Variants in PLCXD3 observed in about 807,000 individuals in gnomAD.
PLCXD3 encodes the protein PI-PLC X domain-containing protein 3.
Under a neutral mutation model 25.5 loss-of-function variants are expected in PLCXD3, and 19 were observed. The ratio of observed to expected loss-of-function variants is 0.75; its 90% CI spans 0.52 to 1.09. PLCXD3 has a LOEUF of 1.09. Ranked by LOEUF, PLCXD3 falls within the 50% of genes least tolerant of loss-of-function variation. The pLI, the probability that PLCXD3 is intolerant of heterozygous loss-of-function variation, is 0.00. For missense variants in PLCXD3, 411 were observed against 388.1 expected (o/e 1.06, Z -0.50); for synonymous variants, 174 against 137.6 (o/e 1.26, Z -1.85).
At chr5:41,352,149 A>G (rs531563918) in intron 2 of PLCXD3, among the ~76,000 whole-genome samples, 3 of 152,294 alleles carry the variant, frequency 2.0e-5, no homozygotes, top group Admixed American at 6.5e-5. Context: ...TATCAATAGA[A>G]AGTCTCAGCA....
chr5:41,328,767 T>C (rs966041141), intron 2 of PLCXD3, among the ~76,000 whole-genome samples: 1 of 152,308 alleles, frequency 6.6e-6, no homozygotes, highest in African/African-American at 2.4e-5. Flanking sequence ...TCTTCTCATA[T>C]GCTGACATTA....
At chr5:41,369,809 T>A (rs1745040995) in intron 2 of PLCXD3, among the ~76,000 whole-genome samples, 1 of 152,192 alleles carries the variant, frequency 6.6e-6, no homozygotes, top group Admixed American at 6.6e-5. Context: ...GTTATCTTAT[T>A]TATTTTTTGA....
intron 2 of PLCXD3, among the ~76,000 whole-genome samples, chr5:41,376,254 G>A (rs576874037): frequency 8.1e-4 from 123 of 152,202 alleles, no homozygotes; most frequent in African/African-American, 2.9e-3. Flanking sequence ...AGCACTGTCA[G>A]TAGGGCTGAA....
At chr5:41,431,560 T>TA (rs1747102624) in intron 1 of PLCXD3, among the ~76,000 whole-genome samples, 1 of 152,306 alleles carries the variant, frequency 6.6e-6, no homozygotes, top group South Asian at 2.1e-4. Context: ...GGAGGGAAAA[T>TA]ACTCACTAGA....
intron 2 of PLCXD3, among the ~76,000 whole-genome samples, chr5:41,372,314 A>T (rs889958676): frequency 1.3e-3 from 185 of 143,744 alleles, no homozygotes; most frequent in African/African-American, 4.7e-3. Context: ...ACACACACAC[A>T]CACACACACA....
At chr5:41,398,224 C>G (rs539943551) in intron 1 of PLCXD3, among the ~76,000 whole-genome samples, 1 of 152,262 alleles carries the variant, frequency 6.6e-6, no homozygotes, top group East Asian at 1.9e-4. Context: ...GGGAAGAGAC[C>G]TGGTGGGAGA....
intron 1 of PLCXD3, among the ~76,000 whole-genome samples, chr5:41,404,696 C>T (rs1329543508): frequency 1.3e-5 from 2 of 152,004 alleles, no homozygotes; most frequent in African/African-American, 4.8e-5. Context: ...AATATCTTTC[C>T]AGTATTATTT....
chr5:41,431,724 G>T (rs1322552727), intron 1 of PLCXD3, among the ~76,000 whole-genome samples: 3 of 152,160 alleles, frequency 2.0e-5, no homozygotes, highest in Non-Finnish European at 4.4e-5. Flanking sequence ...ACAGAGGGAG[G>T]TCTCATTGAC....
chr5:41,324,812 A>T (rs1743579183), intron 2 of PLCXD3, among the ~76,000 whole-genome samples: 1 of 152,150 alleles, frequency 6.6e-6, no homozygotes, highest in South Asian at 2.1e-4. Flanking sequence ...ATTTCCTGGG[A>T]AGAATGATTT....
intron 1 of PLCXD3, among the ~76,000 whole-genome samples, chr5:41,412,445 T>A (rs572949893): frequency 6.6e-6 from 1 of 152,212 alleles, no homozygotes; most frequent in Non-Finnish European, 1.5e-5. Context: ...TATTAGGAGG[T>A]GACTTACACC....
intron 1 of PLCXD3, among the ~76,000 whole-genome samples, chr5:41,459,001 T>C (rs1477477055): frequency 1.3e-5 from 2 of 151,986 alleles, no homozygotes; most frequent in Non-Finnish European, 2.9e-5. Context: ...ATGTTTTATT[T>C]AGACATTCCT....
chr5:41,398,863 C>A, intron 1 of PLCXD3, among the ~76,000 whole-genome samples: 1 of 152,102 alleles, frequency 6.6e-6, no homozygotes, highest in East Asian at 1.9e-4. Context: ...CTAGAGCAAT[C>A]AGACAAGAGA....
chr5:41,394,696 CA>C (rs1460740648), intron 1 of PLCXD3, among the ~76,000 whole-genome samples: 1 of 151,920 alleles, frequency 6.6e-6, no homozygotes, highest in East Asian at 1.9e-4. Context: ...GACTTCAAGA[CA>C]AAAACTAAAA....
chr5:41,314,450 A>G (rs1743229843), intron 2 of PLCXD3, among the ~76,000 whole-genome samples: 1 of 152,254 alleles, frequency 6.6e-6, no homozygotes, highest in African/African-American at 2.4e-5. Context: ...TAGTCATAAA[A>G]ATATGTAGTT....
intron 2 of PLCXD3, among the ~76,000 whole-genome samples, chr5:41,370,647 A>G (rs1745068666): frequency 6.6e-6 from 1 of 152,094 alleles, no homozygotes; most frequent in Non-Finnish European, 1.5e-5. Flanking sequence ...ACCCTTGTTT[A>G]TCAGTAGGTC....
chr5:41,355,086 C>T (rs1200943780), intron 2 of PLCXD3, among the ~76,000 whole-genome samples: 1 of 152,162 alleles, frequency 6.6e-6, no homozygotes, highest in East Asian at 1.9e-4. Context: ...TTCCCTTTCT[C>T]CAGTTGTTCC....
rs189034511 is a variant in PLCXD3 at position 41,457,578 on chromosome 5, G to A, written c.103+52846C>T. On this transcript the variant is annotated intron_variant, in intron 1 of 2. Coordinates refer to ENST00000377801, the MANE Select transcript of PLCXD3 (RefSeq NM_001005473.3). Reference sequence around the variant, plus strand: ...GACCAGCGCCTCAGATACAATACTGGGAGGACATCTGTACTTAAGCTGTCT... The same window carrying A: ...GACCAGCGCCTCAGATACAATACTGAGAGGACATCTGTACTTAAGCTGTCT... Among the ~76,000 whole-genome samples the A allele has an allele frequency of 2.0e-3, 307 of 151,980 alleles. 1 individual carries two copies. Among genetic ancestry groups the A allele is most frequent in the African/African-American group, 6.8e-3 (284 of 41,504 alleles).
Position 41,414,162 on chromosome 5 carries a change from C to A in PLCXD3, c.104-31628G>T, listed in dbSNP as rs573068462. ...ACCCCAAAAGAAGTTTTCAAAGCAA[C>A]TTGTCTGTCTTGGCCTTAGCTCTTG... On this transcript the variant is annotated intron_variant, in intron 1 of 2. Coordinates refer to ENST00000377801, the MANE Select transcript of PLCXD3 (RefSeq NM_001005473.3). Among the ~76,000 whole-genome samples the A allele has an allele frequency of 1.0e-3, 159 of 152,208 alleles. 2 individuals carry two copies. The highest frequency in any genetic ancestry group is 2.1e-3 in the Non-Finnish European group (143 of 67,996).
rs1045466897 is a variant in PLCXD3, at chr5:41,492,455, G to C, written c.103+17969C>G. On this transcript the variant is annotated intron_variant, in intron 1 of 2. Coordinates refer to ENST00000377801, the MANE Select transcript of PLCXD3 (RefSeq NM_001005473.3). ...GAGGAGTATCTTTGTGGCGTTCTCT[G>C]TATTTCCTGAATCTGAATGTTGGCC... Among the ~76,000 whole-genome samples the C allele has an allele frequency of 2.0e-5, 3 of 152,020 alleles. 1 individual carries two copies. Among genetic ancestry groups the C allele is most frequent in the African/African-American group, 7.3e-5 (3 of 41,376 alleles).
Sources: allele counts gnomAD v4.1 joint callset (sites outside exome capture counted in the v4.1 genomes callset), GRCh38; gene constraint gnomAD v4.1.1; transcripts MANE v1.5; gene names NCBI Gene and HGNC (gene_info 2026-07-23, HGNC 2026-07-21).